The following CCDC38 variants were observed in gnomAD, a reference collection of about 807,000 sequenced individuals.
The protein encoded by CCDC38 is coiled-coil domain-containing protein 38.
In CCDC38, 69 loss-of-function variants were observed where a neutral mutation model predicts 72.8. The ratio of observed to expected loss-of-function variants is 0.95; its 90% confidence interval spans 0.78 to 1.16. The LOEUF (loss-of-function observed/expected upper bound fraction) is 1.16, where lower values mean the gene tolerates loss of function less well. CCDC38 is among the 50% of genes most tolerant of loss of function. CCDC38 has a pLI of 0.00. For synonymous variants in CCDC38, 201 were observed against 213.2 expected (o/e 0.94, Z 0.50); for missense variants, 626 against 638.9 (o/e 0.98, Z 0.22).
chr12:95,895,932 T>C (rs937379835), intron 7 of CCDC38, among the ~76,000 whole-genome samples: 1 of 151,346 alleles, frequency 6.6e-6, no homozygotes, highest in African/African-American at 2.4e-5. Context: ...GGCGCATGCC[T>C]GTAATCCCAG....
chr12:95,901,664 G>T (rs1446901523), intron 5 of CCDC38, among the ~76,000 whole-genome samples: 1 of 152,188 alleles, frequency 6.6e-6, no homozygotes, highest in African/African-American at 2.4e-5. Context: ...GAAACCCACA[G>T]AAGATAGTAT....
chr12:95,908,921 G>GA (rs1301019366), intron 4 of CCDC38, among the ~76,000 whole-genome samples: 1 of 151,740 alleles, frequency 6.6e-6, no homozygotes, highest in Non-Finnish European at 1.5e-5. Context: ...TTTCATTCTG[G>GA]AAATTTATAC....
chr12:95,917,866 C>CAA (rs34424423), intron 3 of CCDC38, among the ~76,000 whole-genome samples: 9,593 of 98,958 alleles, frequency 0.097, 438 homozygotes, highest in Non-Finnish European at 0.14. Context: ...GCAAGACTGT[C>CAA]AAAAAAAAAA....
chr12:95,871,697 C>T (rs142562537), intron 14 of CCDC38, among the ~76,000 whole-genome samples: 2 of 21,676 alleles, frequency 9.2e-5, no homozygotes, highest in African/African-American at 2.4e-4. Flanking sequence ...ATGTTGTGTA[C>T]ATGTTGGCAG....
At chr12:95,901,585 A>T (rs1158083044) in intron 5 of CCDC38, among the ~76,000 whole-genome samples, 1 of 152,184 alleles carries the variant, frequency 6.6e-6, no homozygotes. Flanking sequence ...GGAGAAGAGG[A>T]GAACAAGCAC....
At chr12:95,882,915 T>C (rs1210161591) in intron 10 of CCDC38, among the ~76,000 whole-genome samples, 2 of 152,172 alleles carry the variant, frequency 1.3e-5, no homozygotes, top group African/African-American at 4.8e-5. Context: ...TCACACTCCT[T>C]CTCTTCTCCT....
intron 2 of CCDC38, among the ~76,000 whole-genome samples, chr12:95,922,523 G>A (rs960995331): frequency 6.6e-6 from 1 of 152,182 alleles, no homozygotes; most frequent in South Asian, 2.1e-4. Context: ...GGCTGACAGT[G>A]CAGTGAAACC....
intron 4 of CCDC38, among the ~76,000 whole-genome samples, chr12:95,907,267 C>A (rs1363714126): frequency 5.5e-5 from 8 of 144,614 alleles, no homozygotes; most frequent in African/African-American, 7.8e-5. Context: ...CAATCTTTTC[C>A]CCACCTTTCC....
rs548099149 is a variant in CCDC38, at chr12:95,878,349, A to G, written c.1143-3T>C. The G allele has an allele frequency of 6.2e-7, 1 of 1,607,626 alleles. No homozygotes were observed. The highest frequency in any genetic ancestry group is 1.1e-5 in the South Asian group (1 of 89,842). On this transcript the variant is annotated splice_polypyrimidine_tract_variant and splice_region_variant and intron_variant, in intron 12 of 15. Coordinates refer to ENST00000344280, the MANE Select transcript of CCDC38 (RefSeq NM_182496.3). ...AAAGAAACTCTATGTTGCTATTTCTATTACAAAAGAAGAAAGAGACCCTCA... is the reference window on the plus strand; with the variant it reads ...AAAGAAACTCTATGTTGCTATTTCTGTTACAAAAGAAGAAAGAGACCCTCA...
chr12:95,921,681 G>A (rs1213554390), intron 2 of CCDC38, among the ~76,000 whole-genome samples: 2 of 152,038 alleles, frequency 1.3e-5, no homozygotes, highest in Admixed American at 6.5e-5. Context: ...TGAGATTTGG[G>A]TAGGGACACA....
intron 9 of CCDC38, among the ~76,000 whole-genome samples, chr12:95,890,133 A>T (rs2079808207): frequency 1.3e-5 from 2 of 152,074 alleles, no homozygotes; most frequent in African/African-American, 2.4e-5. Flanking sequence ...GCTTGTCTTG[A>T]ATTCCTGGGC....
intron 7 of CCDC38, among the ~76,000 whole-genome samples, chr12:95,898,108 A>G: frequency 6.6e-6 from 1 of 152,232 alleles, no homozygotes; most frequent in East Asian, 1.9e-4. Context: ...CACTTAGATA[A>G]TAATTTATTG....
At chr12:95,936,910 T>C (rs533800522) in intron 1 of CCDC38, among the ~76,000 whole-genome samples, 69 of 152,182 alleles carry the variant, frequency 4.5e-4, no homozygotes, top group Non-Finnish European at 9.7e-4. Flanking sequence ...AAAAAATGCA[T>C]GCAAAAATCT....
chr12:95,940,672 C>A (rs1426090631), intron 1 of CCDC38, among the ~76,000 whole-genome samples: 1 of 152,022 alleles, frequency 6.6e-6, no homozygotes, highest in Non-Finnish European at 1.5e-5. Flanking sequence ...TCACAGTTAG[C>A]AATTTTTTGT....
At chr12:95,887,362 C>T (rs1898180) in intron 10 of CCDC38, among the ~76,000 whole-genome samples, 27,245 of 152,116 alleles carry the variant, frequency 0.18, 2,609 homozygotes, top group African/African-American at 0.24. Context: ...ATCCAGATGG[C>T]CTTCAATGAG....
chr12:95,899,620 T>C (rs2079929741), intron 5 of CCDC38, among the ~76,000 whole-genome samples: 1 of 152,030 alleles, frequency 6.6e-6, no homozygotes, highest in African/African-American at 2.4e-5. Flanking sequence ...TTTAATACCA[T>C]GCAGGAAAAA....
chr12:95,917,386 C>T (rs968216922), intron 3 of CCDC38, 92 bp from the exon 4 acceptor site: 4 of 1,092,418 alleles, frequency 3.7e-6, no homozygotes, highest in Non-Finnish European at 5.1e-6. Context: ...ACATTTGCAA[C>T]AAAAATCTTA....
chr12:95,927,508 C>T (rs1204796129), intron 2 of CCDC38, among the ~76,000 whole-genome samples: 4 of 151,650 alleles, frequency 2.6e-5, no homozygotes, highest in Non-Finnish European at 4.4e-5. Flanking sequence ...CCAGTCTGTG[C>T]CTTTTAATTG....
chr12:95,895,313 GA>G (rs1216759878), intron 7 of CCDC38, among the ~76,000 whole-genome samples, 167 bp from the exon 8 acceptor site: 1 of 152,124 alleles, frequency 6.6e-6, no homozygotes, highest in Non-Finnish European at 1.5e-5. Context: ...TATGAAATGA[GA>G]TGAAGGAAAA....
Sources: allele counts gnomAD v4.1 joint callset (sites outside exome capture counted in the v4.1 genomes callset), GRCh38; gene constraint gnomAD v4.1.1; transcripts MANE v1.5; gene names NCBI Gene and HGNC (gene_info 2026-07-23, HGNC 2026-07-21).